RHD: variants seen among roughly 807,000 people sequenced by gnomAD.
The protein encoded by RHD is blood group Rh(D) polypeptide.
Under a neutral mutation model 45.5 loss-of-function variants are expected in RHD, and 16 were observed. That is an observed-to-expected ratio of 0.35 (90% confidence interval 0.24 to 0.53). The LOEUF (loss-of-function observed/expected upper bound fraction) is 0.53, where lower values mean the gene tolerates loss of function less well. RHD is among the 20% of genes least tolerant of loss of function. The pLI, the probability that RHD is intolerant of heterozygous loss-of-function variation, is 0.92. For missense variants in RHD, 306 were observed against 532.0 expected, an observed-to-expected ratio of 0.58 and a Z score of 4.18; for synonymous variants, 131 against 217.5, an observed-to-expected ratio of 0.60 and a Z score of 3.50.
chr1:25,309,172 A>G lies in RHD; in HGVS notation c.1073+2443A>G. 1.5e-5 allele frequency among the ~76,000 whole-genome samples: 2 copies of G among 132,162 alleles called. 1 individual carries two copies. Among genetic ancestry groups the G allele is most frequent in the South Asian group, 4.6e-4 (2 of 4,374 alleles). 86.7% of individuals were successfully genotyped at this position (132,162 alleles called of 152,430 possible). ...CCCAATTTCCTATTCAGATGAGCAT[A>G]TGTGATTGAGTCAGATGCTGTGATC... On this transcript the variant is annotated intron_variant, in intron 7 of 9. Coordinates refer to ENST00000328664, the MANE Select transcript of RHD (RefSeq NM_016124.6).
intron 7 of RHD, among the ~76,000 whole-genome samples, chr1:25,309,959 T>C: frequency 7.5e-6 from 1 of 132,868 alleles, no homozygotes; most frequent in Non-Finnish European, 1.8e-5. Context: ...GTTTATCCTC[T>C]ATTCTGCCAC....
In RHD at chr1:25,328,898, T is replaced by G; in HGVS notation, c.1228T>G (p.Phe410Val). Residue 410 changes from phenylalanine to valine, a missense_variant and splice_region_variant, in exon 10 of 10, where the codon TTT (phenylalanine) becomes GTT (valine). By Grantham distance (50) the Phe-to-Val change is conservative. Transcript: ENST00000328664. ...AAAAATGTTTGTTTTGCTTTTACAG[T>G]TTCCTCATTTGGCTGTTGGATTTTA... ...KYFDDQVFWK[F>V]PHLAVGF 1.6e-6 allele frequency: 2 copies of G among 1,220,872 alleles called. 1 individual carries two copies. Among genetic ancestry groups the G allele is most frequent in the Non-Finnish European group, 2.4e-6 (2 of 844,998 alleles). The allele number at this position is 1,220,872 out of a possible 1,614,324, so 75.6% of individuals were successfully genotyped here.
In RHD at chr1:25,296,487, C is replaced by T; in HGVS notation, c.487-4459C>T. Among the ~76,000 whole-genome samples, 2 of 122,692 alleles carry T rather than the reference C, an allele frequency of 1.6e-5. 1 individual carries two copies. The highest frequency in any genetic ancestry group is 3.9e-5 in the Non-Finnish European group (2 of 51,616). The allele number at this position is 122,692 out of a possible 152,430, so 80.5% of individuals were successfully genotyped here. On this transcript the variant is annotated intron_variant, in intron 3 of 9. Transcript: ENST00000328664. ...CTTGAGCTCCTGGCCTCAGTTGATC[C>T]ACCTGTCTCAGCCTCCCAAATTGCT...
intron 1 of RHD, among the ~76,000 whole-genome samples, chr1:25,281,547 G>A (rs1283849750): frequency 7.6e-6 from 1 of 131,994 alleles, no homozygotes; most frequent in East Asian, 1.9e-4. Flanking sequence ...AAGCCTCACT[G>A]CTCCCGCATG....
rs1643915400 is a variant in RHD, at chr1:25,307,592, C to A, written c.1073+863C>A. The A allele has an allele frequency of 1.3e-5, 10 of 774,314 alleles. 1 individual carries two copies. Among genetic ancestry groups the A allele is most frequent in the Middle Eastern group, 3.3e-4 (1 of 3,050 alleles). The allele number at this position is 774,314 out of a possible 1,614,324, so 48.0% of individuals were successfully genotyped here. A position where few individuals can be genotyped will look rare whatever the true frequency, so the allele number is the denominator to read the frequency against. On this transcript the variant is annotated intron_variant, in intron 7 of 9. Transcript: ENST00000328664. Reference sequence around the variant, plus strand: ...CTCCTTGAATTCTCACAACCGCCTACTGAGGTATTCTCAGACTCTAAGAAA... The same window carrying A: ...CTCCTTGAATTCTCACAACCGCCTAATGAGGTATTCTCAGACTCTAAGAAA...
Position 25,330,011 on chromosome 1 carries a change from C to T in RHD, c.*1087C>T, listed in dbSNP as rs1191432716. ...TTTGAAGAATTAACAGCTTTGTGAA[C>T]GTGGCAGTGCTTGTGATTCAGGCTT... On this transcript the variant is annotated 3_prime_UTR_variant, in exon 10 of 10. Transcript: ENST00000328664. The T allele has an allele frequency of 7.6e-6, 1 of 132,278 alleles. No individual in the cohort carries two copies. Among genetic ancestry groups the T allele is most frequent in the African/African-American group, 2.6e-5 (1 of 38,766 alleles). 8.2% of individuals were successfully genotyped at this position (132,278 alleles called of 1,614,324 possible).
chr1:25,283,888 G>A (rs1641720345), intron 1 of RHD, among the ~76,000 whole-genome samples: 2 of 134,036 alleles, frequency 1.5e-5, no homozygotes, highest in South Asian at 4.4e-4. Flanking sequence ...CCGCTTTGCT[G>A]GGCCCCTCCC....
Position 25,287,058 on chromosome 1 carries a change from A to G in RHD, c.335+2299A>G, listed in dbSNP as rs556715425. Among the ~76,000 whole-genome samples, 14 of 135,284 alleles carry G rather than the reference A, an allele frequency of 1.0e-4. No individual in the cohort carries two copies. In the East Asian group the frequency reaches 2.5e-3, roughly 24 times the overall value. 88.8% of individuals were successfully genotyped at this position (135,284 alleles called of 152,430 possible). ...TAGTGAGCCGAGATCGCACCATTGC[A>G]CTGTAGCCTGGGCGACAGAGTGAGG... On this transcript the variant is annotated intron_variant, in intron 2 of 9. Coordinates refer to ENST00000328664, the MANE Select transcript of RHD (RefSeq NM_016124.6).
In RHD at chr1:25,282,918, G is replaced by A. The variant is rs557943747; in HGVS notation, c.149-1655G>A. Among the ~76,000 whole-genome samples, 7 of 130,862 alleles carry A rather than the reference G, an allele frequency of 5.3e-5. 2 individuals carry two copies. The highest frequency in any genetic ancestry group is 1.8e-4 in the African/African-American group (7 of 38,542). The allele number at this position is 130,862 out of a possible 152,430, so 85.9% of individuals were successfully genotyped here. On this transcript the variant is annotated intron_variant, in intron 1 of 9. Transcript: ENST00000328664. ...GAAAAAAAAAAATTGTCTACATGCT[G>A]GTTGCAGAAAATTTAAACACTAAAA...
Position 25,280,249 on chromosome 1 carries a change from C to G in RHD, c.149-4324C>G, listed in dbSNP as rs763271641. Among the ~76,000 whole-genome samples, 3 of 127,194 alleles carry G rather than the reference C, an allele frequency of 2.4e-5. 1 individual carries two copies. The highest frequency in any genetic ancestry group is 2.4e-4 in the South Asian group (1 of 4,222). The allele number at this position is 127,194 out of a possible 152,430, so 83.4% of individuals were successfully genotyped here. A position where few individuals can be genotyped will look rare whatever the true frequency, so the allele number is the denominator to read the frequency against. ...ATACCTGGAATCAGGGAATCGGGAT[C>G]AGGGGCAGCAGCTGTGCCCAATAAA... On this transcript the variant is annotated intron_variant, in intron 1 of 9. Coordinates refer to ENST00000328664, the MANE Select transcript of RHD (RefSeq NM_016124.6).
rs1642370725 is a variant in RHD, at chr1:25,290,241, GCC to G, written c.336-398_336-397del. 3.9e-5 allele frequency among the ~76,000 whole-genome samples: 5 copies of G among 127,652 alleles called. 2 individuals carry two copies. The highest frequency in any genetic ancestry group is 1.4e-4 in the African/African-American group (5 of 36,752). 83.7% of individuals were successfully genotyped at this position (127,652 alleles called of 152,430 possible). ...GTGGGCAGGCCTGCGGGGGAAGAGT[GCC>G]CTCTGTTGAGCATCCGAATGATGGC... On this transcript the variant is annotated intron_variant, in intron 2 of 9. Transcript: ENST00000328664.
rs549377943 is a variant in RHD, at chr1:25,307,706, G to C, written c.1073+977G>C. 16 of 1,308,348 alleles carry C rather than the reference G, an allele frequency of 1.2e-5. 2 individuals are homozygous for C. In the African/African-American group the frequency reaches 1.5e-4, roughly 12 times the overall value. 81.0% of individuals were successfully genotyped at this position (1,308,348 alleles called of 1,614,324 possible). Reference sequence around the variant, plus strand: ...GAAGCAGGTGATGAGGAGCTGATGCGTTTGGACGTGTCTCAGAGAAATCAT... The same window carrying C: ...GAAGCAGGTGATGAGGAGCTGATGCCTTTGGACGTGTCTCAGAGAAATCAT... On this transcript the variant is annotated intron_variant, in intron 7 of 9. Transcript: ENST00000328664.
Position 25,330,343 on chromosome 1 carries a change from G to A in RHD, c.*1419G>A, listed in dbSNP as rs1644976369. 7.5e-6 allele frequency: 1 copy of A among 132,590 alleles called. No individual in the cohort carries two copies. The highest frequency in any genetic ancestry group is 2.6e-5 in the African/African-American group (1 of 38,848). The allele number at this position is 132,590 out of a possible 1,614,324, so 8.2% of individuals were successfully genotyped here. On this transcript the variant is annotated 3_prime_UTR_variant, in exon 10 of 10. Coordinates refer to ENST00000328664, the MANE Select transcript of RHD (RefSeq NM_016124.6). ...TAGCTATATGTATGGTTGTTACTAT[G>A]GGAAATCTTGTTTTGCCAATTTTCT...
chr1:25,310,670 T>C (rs1440810694), intron 7 of RHD, among the ~76,000 whole-genome samples: 1 of 132,214 alleles, frequency 7.6e-6, no homozygotes, highest in East Asian at 1.9e-4. Context: ...AAAGCCTGTA[T>C]TGTCAAGAAT....
chr1:25,312,920 T>TAA lies in RHD; in HGVS notation c.1074-4046_1074-4045dup, dbSNP rs58027687. ...GGATGATAGAGCAAAATCCCATCTC[T>TAA]AAAAAAAAAAAAAAAAAAAAAAAAA... On this transcript the variant is annotated intron_variant, in intron 7 of 9. Coordinates refer to ENST00000328664, the MANE Select transcript of RHD (RefSeq NM_016124.6). Among the ~76,000 whole-genome samples, 9 of 6,856 alleles carry TAA rather than the reference T, an allele frequency of 1.3e-3. 1 individual carries two copies. The highest frequency in any genetic ancestry group is 0.011 in the South Asian group (2 of 184). The allele number at this position is 6,856 out of a possible 152,430, so 4.5% of individuals were successfully genotyped here.
intron 1 of RHD, among the ~76,000 whole-genome samples, chr1:25,275,497 G>A (rs1640884441): frequency 7.6e-6 from 1 of 131,176 alleles, no homozygotes; most frequent in Admixed American, 7.5e-5. Flanking sequence ...CAGCGTGGAG[G>A]CTGTAGTGTA....
At chr1:25,303,113 C>T (rs1643517144) in intron 5 of RHD, among the ~76,000 whole-genome samples, 1 of 131,976 alleles carries the variant, frequency 7.6e-6, no homozygotes, top group Admixed American at 7.3e-5. Context: ...GGTAACTGTG[C>T]CCTGAGCCTA....
intron 1 of RHD, among the ~76,000 whole-genome samples, chr1:25,280,606 T>A (rs1306143121): frequency 1.8e-4 from 1 of 5,640 alleles, no homozygotes; most frequent in African/African-American, 2.0e-4. Context: ...GTGCCTGGCC[T>A]TTTTTTTTTT....
At chr1:25,284,252 T>G (rs1641758318) in intron 1 of RHD, among the ~76,000 whole-genome samples, 1 of 136,138 alleles carries the variant, frequency 7.3e-6, no homozygotes, top group African/African-American at 2.5e-5. Flanking sequence ...ACGTGTGCTT[T>G]ACACTTGTTC....
Sources: allele counts gnomAD v4.1 joint callset (sites outside exome capture counted in the v4.1 genomes callset), GRCh38; gene constraint gnomAD v4.1.1; transcripts MANE v1.5; gene names NCBI Gene and HGNC (gene_info 2026-07-23, HGNC 2026-07-21).